TAFA4: variants seen among roughly 807,000 people sequenced by gnomAD.
TAFA4 encodes TAFA chemokine like family member 4, also known as chemokine-like protein TAFA-4.
In TAFA4, 20 loss-of-function variants were observed where a neutral mutation model predicts 21.1. That is an observed-to-expected ratio of 0.95 (90% CI 0.67 to 1.38). The LOEUF is 1.38. Among genes scored for constraint, TAFA4 ranks in the 40% most tolerant of loss-of-function variants. TAFA4 has a pLI of 0.00. For synonymous variants in TAFA4, 71 were observed against 67.4 expected, an observed-to-expected ratio of 1.05 and a Z score of -0.26; for missense variants, 211 against 180.9, an observed-to-expected ratio of 1.17 and a Z score of -0.95.
intron 3 of TAFA4, among the ~76,000 whole-genome samples, chr3:68,806,692 G>A (rs944301396): frequency 6.6e-6 from 1 of 152,118 alleles, no homozygotes; most frequent in African/African-American, 2.4e-5. Flanking sequence ...AGAATTAGAT[G>A]AGGTCATGAG....
intron 3 of TAFA4, among the ~76,000 whole-genome samples, chr3:68,835,215 A>T (rs1293486568): frequency 1.3e-5 from 2 of 152,104 alleles, no homozygotes. Context: ...TTGAAATAGC[A>T]AACTCCCCTA....
At chr3:68,819,604 A>G (rs1704070534) in intron 3 of TAFA4, among the ~76,000 whole-genome samples, 4 of 152,236 alleles carry the variant, frequency 2.6e-5, no homozygotes, top group African/African-American at 9.6e-5. Context: ...ACAACTCAAT[A>G]GTAAGAAAAC....
At chr3:68,830,037 C>T (rs1704345603) in intron 3 of TAFA4, among the ~76,000 whole-genome samples, 1 of 152,070 alleles carries the variant, frequency 6.6e-6, no homozygotes, top group South Asian at 2.1e-4. Context: ...GGTGATATCC[C>T]TTTTTTCAGG....
At chr3:68,766,931 T>TA (rs1489825766) in intron 3 of TAFA4, among the ~76,000 whole-genome samples, 1 of 152,160 alleles carries the variant, frequency 6.6e-6, no homozygotes, top group Non-Finnish European at 1.5e-5. Context: ...CACTGTATGC[T>TA]AAAAACCAAT....
At chr3:68,907,803 T>C (rs1052711564) in intron 1 of TAFA4, among the ~76,000 whole-genome samples, 3 of 152,148 alleles carry the variant, frequency 2.0e-5, no homozygotes, top group Admixed American at 6.6e-5. Context: ...TCCAGGAGAA[T>C]AGGAGATGTA....
At chr3:68,846,956 C>A (rs182624627) in intron 3 of TAFA4, among the ~76,000 whole-genome samples, 1 of 152,216 alleles carries the variant, frequency 6.6e-6, no homozygotes, top group Admixed American at 6.5e-5. Context: ...TCTGTCGACC[C>A]CTGCTGGGAG....
intron 4 of TAFA4, among the ~76,000 whole-genome samples, chr3:68,745,716 G>A (rs763335129): frequency 5.3e-5 from 8 of 151,998 alleles, no homozygotes; most frequent in African/African-American, 1.9e-4. Context: ...AACATCACTC[G>A]GTTAAACAGA....
chr3:68,877,559 G>A (rs2089565096), intron 3 of TAFA4, among the ~76,000 whole-genome samples: 1 of 152,040 alleles, frequency 6.6e-6, no homozygotes, highest in Non-Finnish European at 1.5e-5. Context: ...GCAGATTTAG[G>A]TCAAGGCCAG....
intron 5 of TAFA4, 58 bp from the exon 6 acceptor site, chr3:68,733,211 T>G (rs893444519): frequency 1.3e-6 from 2 of 1,589,588 alleles, no homozygotes; most frequent in Non-Finnish European, 1.7e-6. Context: ...AAATAACCAT[T>G]CCTGCCCCCG....
intron 1 of TAFA4, among the ~76,000 whole-genome samples, chr3:68,908,805 C>T (rs1427458477): frequency 6.6e-6 from 1 of 152,202 alleles, no homozygotes; most frequent in Non-Finnish European, 1.5e-5. Context: ...TTCAGTTATA[C>T]TCCGAAGTAG....
At chr3:68,789,708 G>A (rs946551840) in intron 3 of TAFA4, among the ~76,000 whole-genome samples, 5 of 152,044 alleles carry the variant, frequency 3.3e-5, no homozygotes, top group African/African-American at 4.8e-5. Context: ...TTTCTGATTC[G>A]TTCACTGCCA....
chr3:68,751,414 G>A (rs568348433), intron 4 of TAFA4, among the ~76,000 whole-genome samples: 2 of 152,154 alleles, frequency 1.3e-5, no homozygotes, highest in East Asian at 1.9e-4. Flanking sequence ...CGTAGCAGTG[G>A]GGATGGAGAA....
chr3:68,878,945 G>C (rs759572472), intron 3 of TAFA4, among the ~76,000 whole-genome samples: 1 of 151,922 alleles, frequency 6.6e-6, no homozygotes, highest in African/African-American at 2.4e-5. Flanking sequence ...TGCCAAAACT[G>C]GGGGGGAGAT....
chr3:68,914,554 T>G (rs2089986711), intron 1 of TAFA4, among the ~76,000 whole-genome samples: 1 of 129,040 alleles, frequency 7.7e-6, no homozygotes, highest in South Asian at 2.4e-4. Context: ...GTTTTAAAGT[T>G]TATTTAAATT....
At chr3:68,742,827 A>T (rs1457224388) in intron 4 of TAFA4, among the ~76,000 whole-genome samples, 1 of 152,260 alleles carries the variant, frequency 6.6e-6, no homozygotes, top group Non-Finnish European at 1.5e-5. Flanking sequence ...GAAAACAGTC[A>T]AACAAGCTCT....
At chr3:68,758,052 A>C (rs1488892991) in intron 3 of TAFA4, among the ~76,000 whole-genome samples, 1 of 152,202 alleles carries the variant, frequency 6.6e-6, no homozygotes, top group Non-Finnish European at 1.5e-5. Context: ...GGGCCTCATA[A>C]CTAGAGATTG....
intron 1 of TAFA4, among the ~76,000 whole-genome samples, chr3:68,886,938 C>A (rs1473343170): frequency 3.3e-5 from 5 of 152,172 alleles, no homozygotes; most frequent in Non-Finnish European, 5.9e-5. Flanking sequence ...CCACCTCTGG[C>A]CTCCCAAAAC....
chr3:68,930,617 G>A (rs921700782), intron 1 of TAFA4, among the ~76,000 whole-genome samples: 2 of 152,182 alleles, frequency 1.3e-5, no homozygotes, highest in African/African-American at 4.8e-5. Context: ...TGCATATGAA[G>A]AAAGCTTCTT....
chr3:68,741,989 A>C (rs1702365854), intron 4 of TAFA4, among the ~76,000 whole-genome samples: 1 of 152,176 alleles, frequency 6.6e-6, no homozygotes, highest in Non-Finnish European at 1.5e-5. Flanking sequence ...AAACACTAGC[A>C]AACTGAATTG....
Sources: gnomAD v4.1 joint callset for allele counts (sites outside exome capture counted in the v4.1 genomes callset) on GRCh38, gnomAD v4.1.1 for gene constraint, MANE v1.5 for transcripts, NCBI Gene and HGNC (gene_info 2026-07-23, HGNC 2026-07-21) for gene names.